Variants in TMPRSS11E observed in about 807,000 individuals in gnomAD.
TMPRSS11E encodes the protein transmembrane serine protease 11E.
In TMPRSS11E, 38 loss-of-function variants were observed where a neutral mutation model predicts 48.1. That is an observed-to-expected ratio of 0.79 (90% CI 0.61 to 1.04). The LOEUF (loss-of-function observed/expected upper bound fraction) is 1.04, where lower values mean the gene tolerates loss of function less well. Among genes scored for constraint, TMPRSS11E ranks in the 50% least tolerant of loss-of-function variants. The probability of loss-of-function intolerance (pLI) is 0.00; values close to 1 mark genes in which losing one functional copy is unlikely to be tolerated. For synonymous variants in TMPRSS11E, 158 were observed against 171.9 expected, an observed-to-expected ratio of 0.92 and a Z score of 0.63; for missense variants, 530 against 510.8, an observed-to-expected ratio of 1.04 and a Z score of -0.36.
chr4:68,462,705 T>C (rs1728827160), intron 2 of TMPRSS11E, among the ~76,000 whole-genome samples: 1 of 152,136 alleles, frequency 6.6e-6, no homozygotes, highest in Admixed American at 6.6e-5. Flanking sequence ...ATAGTCATAG[T>C]GATGTATTGT....
intron 9 of TMPRSS11E, among the ~76,000 whole-genome samples, chr4:68,496,120 A>G (rs926802342): frequency 6.6e-6 from 1 of 152,144 alleles, no homozygotes; most frequent in Non-Finnish European, 1.5e-5. Flanking sequence ...CACTCATCAC[A>G]GGTAGGTATT....
At chr4:68,477,690 T>C (rs1463991628) in intron 8 of TMPRSS11E, 62 bp downstream of exon 8, 15 of 1,577,322 alleles carry the variant, frequency 9.5e-6, no homozygotes, top group Non-Finnish European at 1.2e-5. Flanking sequence ...ATTTAAGCAA[T>C]GAAATGCCAT....
At chr4:68,457,251 A>G (rs543488929) in intron 1 of TMPRSS11E, among the ~76,000 whole-genome samples, 41 of 152,352 alleles carry the variant, frequency 2.7e-4, no homozygotes, top group African/African-American at 8.9e-4. Flanking sequence ...ATGAACAGAC[A>G]CTTCTCAAAA....
Position 68,471,571 on chromosome 4 carries a change from G to C in TMPRSS11E, c.438G>C (p.Leu146=), listed in dbSNP as rs138380711. The part of the protein sequence containing the change: ...KIVQLVLHEK[L]QDAVGPPKVD... ...TTCAACTTGTTTTACATGAAAAGCT[G>C]CAAGATGCTGTAGGACCCCCTAAAG... The change falls in exon 5 of 10, where the codon CTG becomes CTC. Residue 146 remains leucine, a synonymous_variant. Coordinates refer to ENST00000305363, the MANE Select transcript of TMPRSS11E (RefSeq NM_014058.4). 1 of 1,610,956 alleles carries C rather than the reference G, an allele frequency of 6.2e-7. No homozygotes were observed. Among genetic ancestry groups the C allele is most frequent in the African/African-American group, 1.3e-5 (1 of 74,678 alleles).
chr4:68,476,885 T>C (rs1729233715), intron 7 of TMPRSS11E, among the ~76,000 whole-genome samples: 1 of 152,194 alleles, frequency 6.6e-6, no homozygotes, highest in Admixed American at 6.5e-5. Flanking sequence ...GCAAGTTGTA[T>C]AAATGAATAG....
At chr4:68,476,460 T>A in intron 7 of TMPRSS11E, 22 bp downstream of exon 7, 1 of 1,578,532 alleles carries the variant, frequency 6.3e-7, no homozygotes, top group South Asian at 1.2e-5. Context: ...AGCTTGAGAA[T>A]GATTGGGAGT....
chr4:68,466,505 A>G, intron 2 of TMPRSS11E, 126 bp from the exon 3 acceptor site: 1 of 925,656 alleles, frequency 1.1e-6, no homozygotes. Context: ...CAGGATGATG[A>G]TGATGACCTG....
chr4:68,471,009 G>A (rs989952075), intron 4 of TMPRSS11E, among the ~76,000 whole-genome samples: 17 of 151,740 alleles, frequency 1.1e-4, no homozygotes, highest in African/African-American at 7.2e-5. Flanking sequence ...TTTTGACAAG[G>A]TGTCTTTTTA....
At chr4:68,459,762 A>G (rs1051913996) in intron 1 of TMPRSS11E, among the ~76,000 whole-genome samples, 4 of 152,198 alleles carry the variant, frequency 2.6e-5, no homozygotes, top group Non-Finnish European at 5.9e-5. Context: ...CTACAAGCAC[A>G]CATTCATTTT....
intron 9 of TMPRSS11E, among the ~76,000 whole-genome samples, chr4:68,480,223 C>T (rs1050694456): frequency 4.5e-4 from 68 of 151,900 alleles, no homozygotes; most frequent in African/African-American, 1.5e-3. Flanking sequence ...TCTTTCAGTC[C>T]CACCTTCTTT....
At chr4:68,488,375 C>G (rs1418031761) in intron 9 of TMPRSS11E, among the ~76,000 whole-genome samples, 1 of 152,046 alleles carries the variant, frequency 6.6e-6, no homozygotes, top group African/African-American at 2.4e-5. Flanking sequence ...TTTTCTTTAT[C>G]TAACTGAGTT....
intron 4 of TMPRSS11E, among the ~76,000 whole-genome samples, chr4:68,469,208 A>G (rs746264395): frequency 1.3e-5 from 2 of 152,194 alleles, no homozygotes; most frequent in Middle Eastern, 3.4e-3. Flanking sequence ...CCAAGTACAG[A>G]TAGTACTAAA....
intron 1 of TMPRSS11E, among the ~76,000 whole-genome samples, chr4:68,461,556 A>G (rs886744580): frequency 6.6e-6 from 1 of 152,154 alleles, no homozygotes; most frequent in Non-Finnish European, 1.5e-5. Context: ...TAATCCTCAC[A>G]ATAATCATAT....
intron 6 of TMPRSS11E, among the ~76,000 whole-genome samples, chr4:68,475,459 A>G (rs1450386419): frequency 1.3e-5 from 2 of 152,194 alleles, no homozygotes; most frequent in Non-Finnish European, 2.9e-5. Context: ...GTTAATTTCT[A>G]AAATCAACTA....
intron 9 of TMPRSS11E, among the ~76,000 whole-genome samples, chr4:68,482,867 T>C (rs1729447057): frequency 6.6e-6 from 1 of 152,174 alleles, no homozygotes. Context: ...GATGTAACTA[T>C]CAGCATTTTG....
chr4:68,463,804 C>T (rs1455466530), intron 2 of TMPRSS11E, among the ~76,000 whole-genome samples: 1 of 152,070 alleles, frequency 6.6e-6, no homozygotes, highest in African/African-American at 2.4e-5. Context: ...TTATTAAATA[C>T]TGAATGATAA....
Position 68,447,488 on chromosome 4 carries a change from C to A in TMPRSS11E, c.-25C>A. The A allele has an allele frequency of 6.2e-7, 1 of 1,609,692 alleles. No homozygotes were observed. The highest frequency in any genetic ancestry group is 1.3e-5 in the African/African-American group (1 of 74,730). On this transcript the variant is annotated 5_prime_UTR_variant, in exon 1 of 10. Transcript: ENST00000305363. ...ACTTGGATGTAGACCTCGACCTTCA[C>A]AGGACTCTTCATTGCTGGTTGGCAA... is the stretch of plus-strand genomic sequence containing the variant.
At chr4:68,448,284 A>G (rs1267212405) in intron 1 of TMPRSS11E, among the ~76,000 whole-genome samples, 2 of 151,934 alleles carry the variant, frequency 1.3e-5, no homozygotes, top group African/African-American at 4.8e-5. Context: ...TTTGAATGAA[A>G]TCTGTGGTCT....
At chr4:68,469,242 C>T (rs1340799311) in intron 4 of TMPRSS11E, among the ~76,000 whole-genome samples, 1 of 151,976 alleles carries the variant, frequency 6.6e-6, no homozygotes, top group Non-Finnish European at 1.5e-5. Flanking sequence ...AACACACATC[C>T]TTGGTTTAAT....
Sources: allele counts gnomAD v4.1 joint callset (sites outside exome capture counted in the v4.1 genomes callset), GRCh38; gene constraint gnomAD v4.1.1; transcripts MANE v1.5; gene names NCBI Gene and HGNC (gene_info 2026-07-23, HGNC 2026-07-21).